Variants in STAB1 observed in about 807,000 individuals in gnomAD.
STAB1 encodes the protein stabilin 1.
Under a neutral mutation model 332.4 loss-of-function variants are expected in STAB1, and 250 were observed. The ratio of observed to expected loss-of-function variants is 0.75; its 90% CI spans 0.68 to 0.84. The LOEUF (loss-of-function observed/expected upper bound fraction) is 0.84, where lower values mean the gene tolerates loss of function less well. Among genes scored for constraint, STAB1 ranks in the 40% least tolerant of loss-of-function variants. STAB1 has a pLI of 0.00. For missense variants in STAB1, 3,249 were observed against 3,489.7 expected (o/e 0.93, Z 1.74); for synonymous variants, 1,475 against 1,390.4 (o/e 1.06, Z -1.35).
At chr3:52,520,618 T>C (rs753728351) in intron 53 of STAB1, 24 bp from the exon 54 acceptor site, 1 of 1,612,848 alleles carries the variant, frequency 6.2e-7, no homozygotes, top group Non-Finnish European at 8.5e-7. Flanking sequence ...CTGACTTTGC[T>C]GTATTGGCCT....
chr3:52,519,500 C>T lies in STAB1; in HGVS notation c.5176-5C>T, dbSNP rs773440896. On this transcript the variant is annotated splice_polypyrimidine_tract_variant and splice_region_variant and intron_variant, in intron 49 of 68. Transcript: ENST00000321725. Reference sequence around the variant, plus strand: ...GCCTAGCTGTTTATGAGAGCCTTTCCTCAGAGAAATGTCACCGCCGCCGCC... The same window carrying T: ...GCCTAGCTGTTTATGAGAGCCTTTCTTCAGAGAAATGTCACCGCCGCCGCC... 6.2e-7 allele frequency: 1 copy of T among 1,613,266 alleles called. No homozygotes were observed. The highest frequency in any genetic ancestry group is 1.1e-5 in the South Asian group (1 of 91,084).
chr3:52,504,275 G>A (rs1578365912), intron 10 of STAB1, 120 bp downstream of exon 10: 2 of 1,482,014 alleles, frequency 1.3e-6, no homozygotes, highest in Non-Finnish European at 1.8e-6. Flanking sequence ...GAACAAACAG[G>A]TGGCTGTGGG....
chr3:52,502,753 AG>A, intron 6 of STAB1, 26 bp downstream of exon 6: 1 of 1,601,560 alleles, frequency 6.2e-7, no homozygotes. Flanking sequence ...GGGATAGCCT[AG>A]GGCAGCAGGT....
chr3:52,519,644 G>T, intron 50 of STAB1, 80 bp downstream of exon 50: 1 of 1,561,590 alleles, frequency 6.4e-7, no homozygotes. Context: ...GTACCTGTGT[G>T]TGCATACCCA....
At position 52,504,915 on chromosome 3, in the gene STAB1, C is replaced by T. The variant is rs1205670705; in HGVS notation, c.1377+39C>T. 2.5e-6 allele frequency: 4 copies of T among 1,613,174 alleles called. No individual in the cohort carries two copies. The Admixed American group carries it at 5.0e-5, about 20-fold the overall frequency. ...CTCAGCCTGGGGACAAGAGGAGTCA[C>T]AGCCTGGCAAGGGTGTGCAGGTGGG... On this transcript the variant is annotated intron_variant, in intron 12 of 68. Coordinates refer to ENST00000321725, the MANE Select transcript of STAB1 (RefSeq NM_015136.3).
intron 20 of STAB1, 26 bp downstream of exon 20, chr3:52,508,052 C>CA (rs1709010159): frequency 1.2e-6 from 2 of 1,604,268 alleles, no homozygotes; most frequent in Non-Finnish European, 1.7e-6. Context: ...GGTGCCCACT[C>CA]CCAGGTCACC....
Position 52,503,822 on chromosome 3 carries a change from T to C in STAB1, c.942T>C (p.Ser314=), listed in dbSNP as rs778275182. 1.2e-5 allele frequency: 19 copies of C among 1,613,250 alleles called. No homozygotes were observed. The highest frequency in any genetic ancestry group is 1.4e-5 in the Non-Finnish European group (17 of 1,180,016). The change falls in exon 9 of 69, where the codon TCT becomes TCC. Residue 314 remains serine (S), a synonymous_variant. Transcript: ENST00000321725. ...TGGTCAGCATCAACAGCAACGCTTC[T>C]GCGGGCTGCTTCGCCTTCTGCTCCC... The part of the protein sequence containing the change: ...PGLVSINSNA[S]AGCFAFCSPF...
chr3:52,514,533 G>C (rs768094445), intron 34 of STAB1, 37 bp downstream of exon 34: 1 of 1,526,610 alleles, frequency 6.6e-7, no homozygotes, highest in Non-Finnish European at 8.8e-7. Flanking sequence ...CCTAGCCCGG[G>C]CCCCTACCCC....
At position 52,523,360 on chromosome 3, in the gene STAB1, G is replaced by A; in HGVS notation, c.7140+19G>A. ...CAACATGGTAACCCCCAAGGGTGTG[G>A]GCAGAGCAGAGCCTGCATTGGCCAT... is the stretch of plus-strand genomic sequence containing the variant. On this transcript the variant is annotated intron_variant, in intron 64 of 68. Transcript: ENST00000321725. The A allele has an allele frequency of 6.2e-7, 1 of 1,609,168 alleles. No homozygotes were observed. Among genetic ancestry groups the A allele is most frequent in the Non-Finnish European group, 8.5e-7 (1 of 1,179,964 alleles).
rs2153233583 is a variant in STAB1 at position 52,512,622 on chromosome 3, C to T, written c.3006C>T (p.Ser1002=). The T allele has an allele frequency of 6.2e-7, 1 of 1,613,842 alleles. No individual in the cohort carries two copies. The highest frequency in any genetic ancestry group is 8.5e-7 in the Non-Finnish European group (1 of 1,180,010). ...FRELEANAHF[S]IFYQWLKSAG... ...AGCTGGAGGCAAATGCCCACTTCTCCATCTTCTACCAATGGCTTAAGGTAG... is the reference window on the plus strand; with the variant it reads ...AGCTGGAGGCAAATGCCCACTTCTCTATCTTCTACCAATGGCTTAAGGTAG... Residue 1002 remains serine (S), a synonymous_variant, in exon 28 of 69, where the codon TCC becomes TCT. Transcript: ENST00000321725.
In STAB1 at chr3:52,502,521, G is replaced by C. The variant is rs953756949; in HGVS notation, c.488-111G>C. On this transcript the variant is annotated intron_variant, in intron 5 of 68. Coordinates refer to ENST00000321725, the MANE Select transcript of STAB1 (RefSeq NM_015136.3). ...CCGCATCACAGCTCTGTACTCTTAA[G>C]GTTGTACCTGCCCGAGCTGAGTTCT... 8 of 991,518 alleles carry C rather than the reference G, an allele frequency of 8.1e-6. No homozygotes were observed. In the African/African-American group the frequency reaches 1.3e-4, roughly 16 times the overall value. 61.4% of individuals were successfully genotyped at this position (991,518 alleles called of 1,614,324 possible). A position where few individuals can be genotyped will look rare whatever the true frequency, so the allele number is the denominator to read the frequency against.
Position 52,517,981 on chromosome 3 carries a change from C to G in STAB1, c.4739C>G (p.Thr1580Ser). The G allele has an allele frequency of 6.2e-7, 1 of 1,604,876 alleles. No individual in the cohort carries two copies. Among genetic ancestry groups the G allele is most frequent in the African/African-American group, 1.3e-5 (1 of 74,518 alleles). ...DTAHTVGDGLTCRARVGLELL... is the reference protein window; with the variant it reads ...DTAHTVGDGLSCRARVGLELL... ...GCCCACACCGTGGGGGACGGCCTCACCTGCCGTGCCCGAGTCGGCCTGGTA... is the reference window on the plus strand; with the variant it reads ...GCCCACACCGTGGGGGACGGCCTCAGCTGCCGTGCCCGAGTCGGCCTGGTA... The change falls in exon 45 of 69, where the codon ACC (threonine) becomes AGC (serine). Residue 1580 changes from threonine (T) to serine (S), a missense_variant. By Grantham distance (58) the Thr-to-Ser change is moderately conservative. Coordinates refer to ENST00000321725, the MANE Select transcript of STAB1 (RefSeq NM_015136.3).
chr3:52,503,763 G>C lies in STAB1; in HGVS notation c.892-9G>C. 6.2e-7 allele frequency: 1 copy of C among 1,612,824 alleles called. No homozygotes were observed. ...CGTGGTGTTCCCCTCCTGCCCTGTC[G>C]GGGGCCAGGCCTTCTGCACCTGCCG... On this transcript the variant is annotated splice_polypyrimidine_tract_variant and intron_variant, in intron 8 of 68. Transcript: ENST00000321725.
rs529063889 is a variant in STAB1 at position 52,502,671 on chromosome 3, G to A, written c.527G>A (p.Arg176His). The A allele has an allele frequency of 2.5e-5, 40 of 1,613,698 alleles. No individual in the cohort carries two copies. Among genetic ancestry groups the A allele is most frequent in the Admixed American group, 8.3e-5 (5 of 60,006 alleles). ...CVHGVCNHGP[R>H]GDGSCLCFAG... The stretch of plus-strand genomic sequence containing the variant: ...CACGGAGTGTGCAACCATGGGCCAC[G>A]TGGGGATGGAAGCTGCCTGTGCTTT... Residue 176 changes from arginine (R) to histidine (H), a missense_variant, in exon 6 of 69, where the codon CGT (arginine) becomes CAT (histidine). Arg to His is a conservative substitution (Grantham distance 29). Transcript: ENST00000321725.
chr3:52,506,640 C>T, intron 17 of STAB1, 52 bp from the exon 18 acceptor site: 1 of 1,545,670 alleles, frequency 6.5e-7, no homozygotes. Flanking sequence ...GGCAGCCCCA[C>T]CGGGCCAAGG....
chr3:52,509,138 A>G, intron 21 of STAB1, 72 bp from the exon 22 acceptor site: 1 of 1,375,732 alleles, frequency 7.3e-7, no homozygotes, highest in Non-Finnish European at 1.0e-6. Context: ...CCATGAAAGG[A>G]GGGGGTGTTG....
chr3:52,517,310 C>T lies in STAB1; in HGVS notation c.4490-10C>T. On this transcript the variant is annotated splice_polypyrimidine_tract_variant and intron_variant, in intron 42 of 68. Coordinates refer to ENST00000321725, the MANE Select transcript of STAB1 (RefSeq NM_015136.3). ...AAGGGCCACCCCCATCCCAGTGTCT[C>T]TTCCCCCAGAAATTAACAGCTGTCT... 6.4e-7 allele frequency: 1 copy of T among 1,561,434 alleles called. No individual in the cohort carries two copies. Among genetic ancestry groups the T allele is most frequent in the African/African-American group, 1.4e-5 (1 of 73,078 alleles).
rs558150044 is a variant in STAB1 at position 52,502,216 on chromosome 3, G to A, written c.475G>A (p.Asp159Asn). ...CCAAGACCCCAACCGGTTCGGGCCTGACTGCCAATCGGGTGAGTGCTTAAA... is the reference window on the plus strand; with the variant it reads ...CCAAGACCCCAACCGGTTCGGGCCTAACTGCCAATCGGGTGAGTGCTTAAA... ...ECQDPNRFGP[D>N]CQSVCSCVHG... The change falls in exon 5 of 69, where the codon GAC becomes AAC. Residue 159 changes from aspartate (D) to asparagine (N), a missense_variant. Transcript: ENST00000321725. The A allele has an allele frequency of 2.5e-6, 4 of 1,612,366 alleles. No homozygotes were observed. The East Asian group carries it at 8.9e-5, about 36-fold the overall frequency.
At chr3:52,515,110 A>G in intron 36 of STAB1, 65 bp downstream of exon 36, 1 of 1,577,844 alleles carries the variant, frequency 6.3e-7, no homozygotes, top group Non-Finnish European at 8.6e-7. Flanking sequence ...CAAGGTGCCC[A>G]ATCCCCTCAC....
Sources: allele counts gnomAD v4.1 joint callset, GRCh38; gene constraint gnomAD v4.1.1; transcripts MANE v1.5; gene names NCBI Gene and HGNC (gene_info 2026-07-23, HGNC 2026-07-21).